Variants in PSMA5 observed in about 807,000 individuals in gnomAD.
PSMA5 encodes proteasome subunit alpha type-5.
PSMA5 carries 3 observed loss-of-function variants against 34.5 expected under a neutral mutation model. That is an observed-to-expected ratio of 0.09 (90% CI 0.04 to 0.22). The LOEUF (loss-of-function observed/expected upper bound fraction) is 0.22, where lower values mean the gene tolerates loss of function less well. Ranked by LOEUF, PSMA5 falls within the 10% of genes least tolerant of loss-of-function variation. The pLI is 1.00. For missense variants in PSMA5, 120 were observed against 286.1 expected (o/e 0.42, Z 4.19); for synonymous variants, 88 against 95.8 (o/e 0.92, Z 0.47).
At chr1:109,402,147 T>C (rs1653558564) in intron 8 of PSMA5, 57 bp from the exon 9 acceptor site, 2 of 1,298,998 alleles carry the variant, frequency 1.5e-6, no homozygotes, top group Admixed American at 1.8e-5. Context: ...CTGATGGCCC[T>C]ACCATGGTCA....
chr1:109,415,863 C>A (rs1654172157), intron 2 of PSMA5, among the ~76,000 whole-genome samples: 1 of 152,134 alleles, frequency 6.6e-6, no homozygotes, highest in South Asian at 2.1e-4. Flanking sequence ...CCCCAACCTA[C>A]CTGACCTCCA....
At chr1:109,413,974 G>A (rs1020198155) in intron 3 of PSMA5, among the ~76,000 whole-genome samples, 2 of 152,108 alleles carry the variant, frequency 1.3e-5, no homozygotes, top group Non-Finnish European at 2.9e-5. Flanking sequence ...ATCATTATCA[G>A]AATGGCCTTT....
chr1:109,402,771 T>C (rs1439670258), intron 8 of PSMA5, among the ~76,000 whole-genome samples: 3 of 152,226 alleles, frequency 2.0e-5, no homozygotes, highest in African/African-American at 7.2e-5. Context: ...AATGGCGTGA[T>C]CTAGGCTCAC....
chr1:109,402,315 C>T (rs1348716491), intron 8 of PSMA5, among the ~76,000 whole-genome samples: 1 of 152,238 alleles, frequency 6.6e-6, no homozygotes, highest in African/African-American at 2.4e-5. Flanking sequence ...TAACTCACCA[C>T]ATCATACTTA....
chr1:109,415,479 T>C (rs1654153603), intron 2 of PSMA5, 116 bp from the exon 3 acceptor site: 9 of 1,100,534 alleles, frequency 8.2e-6, no homozygotes, highest in Middle Eastern at 3.2e-4. Flanking sequence ...CCACATCTTA[T>C]AGGCAGAGAG....
intron 6 of PSMA5, 150 bp from the exon 7 acceptor site, chr1:109,411,263 T>C (rs1226250060): frequency 3.5e-5 from 21 of 593,948 alleles, no homozygotes; most frequent in Non-Finnish European, 5.4e-5. Context: ...AGATGTTCTA[T>C]GTCTGGAGAA....
chr1:109,404,192 CA>C (rs1351290081), intron 8 of PSMA5, among the ~76,000 whole-genome samples: 1 of 151,994 alleles, frequency 6.6e-6, no homozygotes, highest in Non-Finnish European at 1.5e-5. Context: ...GGCATGGTGG[CA>C]CACGCCTGTA....
chr1:109,419,803 A>AG (rs1406349589), intron 2 of PSMA5, among the ~76,000 whole-genome samples: 2 of 74,278 alleles, frequency 2.7e-5, no homozygotes, highest in Non-Finnish European at 6.4e-5. Flanking sequence ...CGTCTCAAAA[A>AG]AAAAAAAAAA....
rs1001761829 is a variant in PSMA5, at chr1:109,400,349, G to C, written c.*1664C>G. 2.0e-5 allele frequency: 3 copies of C among 152,204 alleles called. No individual in the cohort carries two copies. The highest frequency in any genetic ancestry group is 7.2e-5 in the African/African-American group (3 of 41,440). The allele number at this position is 152,204 out of a possible 1,614,324, so 9.4% of individuals were successfully genotyped here. ...GTTTATTGTTTGGCTCTCCCCACTA[G>C]AAGTTTCACAGGAGCACAGATCATA... On this transcript the variant is annotated 3_prime_UTR_variant, in exon 9 of 9. Transcript: ENST00000271308.
intron 8 of PSMA5, among the ~76,000 whole-genome samples, chr1:109,404,041 C>T (rs941849458): frequency 2.6e-5 from 4 of 151,690 alleles, no homozygotes; most frequent in African/African-American, 9.8e-5. Flanking sequence ...CTTCTCTTGG[C>T]CAGGCGTGGT....
At chr1:109,424,287 T>G (rs559364079) in intron 1 of PSMA5, among the ~76,000 whole-genome samples, 2 of 151,922 alleles carry the variant, frequency 1.3e-5, no homozygotes, top group Admixed American at 1.3e-4. Context: ...TAGTTACTTC[T>G]GTAAACAATT....
At chr1:109,402,205 C>G in intron 8 of PSMA5, 115 bp from the exon 9 acceptor site, 1 of 667,178 alleles carries the variant, frequency 1.5e-6, no homozygotes, top group South Asian at 2.1e-5. Flanking sequence ...ACTAAGGGAT[C>G]TGCTGTCCCA....
At chr1:109,410,926 T>A (rs749457256) in intron 7 of PSMA5, 85 bp downstream of exon 7, 10 of 1,029,560 alleles carry the variant, frequency 9.7e-6, no homozygotes, top group South Asian at 1.4e-5. Context: ...AAAACAGAAC[T>A]GAACTCTTAA....
chr1:109,412,220 T>C (rs1654018806), intron 4 of PSMA5, 36 bp from the exon 5 acceptor site: 1 of 1,539,690 alleles, frequency 6.5e-7, no homozygotes, highest in Non-Finnish European at 9.0e-7. Flanking sequence ...AACCTTCTAA[T>C]AAGGACATTA....
Position 109,401,894 on chromosome 1 carries a change from C to T in PSMA5, c.*119G>A, listed in dbSNP as rs1368330796. Reference sequence around the variant, plus strand: ...TTTCAGAACTGCCTTTATGTACAGACATCATTTAAAAAATGCACATACAAT... The same window carrying T: ...TTTCAGAACTGCCTTTATGTACAGATATCATTTAAAAAATGCACATACAAT... On this transcript the variant is annotated 3_prime_UTR_variant, in exon 9 of 9. Transcript: ENST00000271308. 2.8e-6 allele frequency: 2 copies of T among 703,830 alleles called. No individual in the cohort carries two copies. The highest frequency in any genetic ancestry group is 2.0e-5 in the South Asian group (1 of 48,972). The allele number at this position is 703,830 out of a possible 1,614,324, so 43.6% of individuals were successfully genotyped here.
intron 3 of PSMA5, among the ~76,000 whole-genome samples, chr1:109,413,458 TC>T (rs1654075832): frequency 6.6e-6 from 1 of 152,170 alleles, no homozygotes; most frequent in African/African-American, 2.4e-5. Context: ...TGATACATTT[TC>T]AAACGAAGCA....
chr1:109,415,371 G>C lies in PSMA5; in HGVS notation c.97-8C>G. 1.2e-6 allele frequency: 2 copies of C among 1,610,706 alleles called. No homozygotes were observed. Among genetic ancestry groups the C allele is most frequent in the Non-Finnish European group, 1.7e-6 (2 of 1,178,112 alleles). On this transcript the variant is annotated splice_polypyrimidine_tract_variant and splice_region_variant and intron_variant, in intron 2 of 8. Transcript: ENST00000271308. ...AATGGCTGTAGAACCAAGCTAAAGA[G>C]AAACATGTTATGATTACCATATATA...
At chr1:109,413,536 ACT>A (rs754572527) in intron 3 of PSMA5, among the ~76,000 whole-genome samples, 8 of 152,136 alleles carry the variant, frequency 5.3e-5, no homozygotes, top group Non-Finnish European at 1.2e-4. Flanking sequence ...ACAGTGGAGG[ACT>A]CTCGAATAAA....
chr1:109,408,531 T>C (rs1218964615), intron 8 of PSMA5, among the ~76,000 whole-genome samples: 1 of 152,218 alleles, frequency 6.6e-6, no homozygotes, highest in East Asian at 1.9e-4. Flanking sequence ...ATTTTCTGTG[T>C]CTGTAACCCT....
Sources: allele counts gnomAD v4.1 joint callset (sites outside exome capture counted in the v4.1 genomes callset), GRCh38; gene constraint gnomAD v4.1.1; transcripts MANE v1.5; gene names NCBI Gene and HGNC (gene_info 2026-07-23, HGNC 2026-07-21).